FBN1: variants seen among roughly 807,000 people sequenced by gnomAD.
FBN1 encodes fibrillin-1.
A neutral mutation model predicts 365.1 loss-of-function variants in FBN1; 29 were observed. The ratio of observed to expected loss-of-function variants is 0.08; its 90% CI spans 0.06 to 0.11. The LOEUF (loss-of-function observed/expected upper bound fraction) is 0.11. Ranked by LOEUF, FBN1 falls within the 10% of genes least tolerant of loss-of-function variation. FBN1 has a pLI of 1.00. For synonymous variants in FBN1, 1,210 were observed against 1,270.5 expected (o/e 0.95, Z 1.01); for missense variants, 2,476 against 3,703.2 (o/e 0.67, Z 8.60).
chr15:48,492,134 A>G (rs980588505), intron 24 of FBN1, among the ~76,000 whole-genome samples: 11 of 152,326 alleles, frequency 7.2e-5, no homozygotes, highest in African/African-American at 2.4e-4. Flanking sequence ...CATGGGCTAC[A>G]GTTTCCAAAT....
intron 17 of FBN1, among the ~76,000 whole-genome samples, chr15:48,499,352 T>C (rs2043636093): frequency 6.6e-6 from 1 of 152,248 alleles, no homozygotes. Context: ...TACGGTGAAA[T>C]GTGCCTGTTA....
chr15:48,619,750 T>C (rs1004928273), intron 2 of FBN1, among the ~76,000 whole-genome samples: 4 of 152,050 alleles, frequency 2.6e-5, no homozygotes, highest in Non-Finnish European at 4.4e-5. Flanking sequence ...TCTTGTTTTT[T>C]TGTGACTATG....
rs2043996090 is a variant in FBN1, at chr15:48,534,194, A to G, written c.748T>C (p.Cys250Arg). 6.2e-7 allele frequency: 1 copy of G among 1,613,098 alleles called. No individual in the cohort carries two copies. Among genetic ancestry groups the G allele is most frequent in the African/African-American group, 1.3e-5 (1 of 74,848 alleles). Reference protein sequence around the residue: ...RTGACQDVDECQAIPGLCQGG... With the variant: ...RTGACQDVDERQAIPGLCQGG... ...TGACAGAGCCCGGGGATGGCCTGGCATTCATCCACATCTGTCAGATTACAG... is the reference window on the plus strand; with the variant it reads ...TGACAGAGCCCGGGGATGGCCTGGCGTTCATCCACATCTGTCAGATTACAG... The change falls in exon 8 of 66, where the codon TGC (cysteine) becomes CGC (arginine). Residue 250 changes from cysteine to arginine, a missense_variant. Physicochemically the swap from Cys to Arg is radical, Grantham distance 180. This residue lies in a region of FBN1 where 421 missense variants were observed against 520.1 expected (regional missense o/e 0.81). Coordinates refer to ENST00000316623, the MANE Select transcript of FBN1 (RefSeq NM_000138.5).
chr15:48,634,191 CA>C (rs1890046562), intron 2 of FBN1, among the ~76,000 whole-genome samples: 1 of 152,200 alleles, frequency 6.6e-6, no homozygotes, highest in East Asian at 1.9e-4. Flanking sequence ...AAATGATACA[CA>C]ATAAACCATT....
intron 17 of FBN1, among the ~76,000 whole-genome samples, chr15:48,503,155 G>A (rs559836210): frequency 1.5e-4 from 22 of 151,482 alleles, no homozygotes; most frequent in Non-Finnish European, 2.1e-4. Context: ...AAAATTAGCC[G>A]GGCGTGGTGG....
At chr15:48,534,285 C>G in intron 7 of FBN1, 80 bp from the exon 8 acceptor site, 1 of 1,423,608 alleles carries the variant, frequency 7.0e-7, no homozygotes, top group African/African-American at 1.4e-5. Flanking sequence ...ATAATTTGTC[C>G]ACAATTATGT....
chr15:48,509,991 G>A (rs1421833734), intron 14 of FBN1, 53 bp downstream of exon 14: 5 of 1,592,898 alleles, frequency 3.1e-6, no homozygotes, highest in Non-Finnish European at 4.3e-6. Context: ...AAAGACCCCT[G>A]ATATTGAAAC....
intron 6 of FBN1, among the ~76,000 whole-genome samples, chr15:48,541,812 G>C (rs1268261086): frequency 6.7e-6 from 1 of 149,886 alleles, no homozygotes; most frequent in Non-Finnish European, 1.5e-5. Flanking sequence ...ACTCATTCCT[G>C]GCTTCAGTGT....
chr15:48,498,314 C>G lies in FBN1; in HGVS notation c.2167+671G>C, dbSNP rs113782627. 5.9e-3 allele frequency among the ~76,000 whole-genome samples: 894 copies of G among 152,274 alleles called. 8 individuals are homozygous for G. The highest frequency in any genetic ancestry group is 0.021 in the African/African-American group (858 of 41,562). ...TTTTCATTCACGCACAATGATGAAA[C>G]TAATCATACTGAATGAACTGACAAT... On this transcript the variant is annotated intron_variant, in intron 18 of 65. Coordinates refer to ENST00000316623, the MANE Select transcript of FBN1 (RefSeq NM_000138.5).
At chr15:48,491,259 A>G (rs921619621) in intron 24 of FBN1, among the ~76,000 whole-genome samples, 1 of 152,184 alleles carries the variant, frequency 6.6e-6, no homozygotes, top group Admixed American at 6.5e-5. Flanking sequence ...TTTACACTAT[A>G]AACTATAAAG....
rs182745665 is a variant in FBN1 at position 48,415,088 on chromosome 15, A to T, written c.8051+448T>A. ...AATTTAAAACCCTAAATAATTTTCA[A>T]CCCAAAGGGATGTCTTTGACTTATT... On this transcript the variant is annotated intron_variant, in intron 64 of 65. Transcript: ENST00000316623. Among the ~76,000 whole-genome samples the T allele has an allele frequency of 2.2e-3, 328 of 152,310 alleles. No individual in the cohort carries two copies. Among genetic ancestry groups the T allele is most frequent in the South Asian group, 3.3e-3 (16 of 4,824 alleles).
chr15:48,477,083 A>G (rs1280434647), intron 32 of FBN1, among the ~76,000 whole-genome samples: 4 of 152,084 alleles, frequency 2.6e-5, no homozygotes, highest in Non-Finnish European at 5.9e-5. Context: ...TTAATCTAGT[A>G]ATTCTGTAAT....
chr15:48,609,758 C>T (rs902553251), intron 4 of FBN1, among the ~76,000 whole-genome samples: 4 of 152,294 alleles, frequency 2.6e-5, no homozygotes, highest in African/African-American at 4.8e-5. Flanking sequence ...AAGAGTCCCC[C>T]GTGTTCATCC....
At chr15:48,454,116 A>G (rs1169424070) in intron 44 of FBN1, among the ~76,000 whole-genome samples, 2 of 152,244 alleles carry the variant, frequency 1.3e-5, no homozygotes, top group South Asian at 2.1e-4. Context: ...CTCAAATCTT[A>G]AAGTCCACAT....
At chr15:48,458,665 T>C (rs769508679) in intron 43 of FBN1, among the ~76,000 whole-genome samples, 1 of 152,230 alleles carries the variant, frequency 6.6e-6, no homozygotes, top group Non-Finnish European at 1.5e-5. Context: ...AGGTATAAAA[T>C]AGCAAAAGGA....
At chr15:48,623,244 C>T (rs1353779026) in intron 2 of FBN1, among the ~76,000 whole-genome samples, 2 of 152,158 alleles carry the variant, frequency 1.3e-5, no homozygotes, top group Non-Finnish European at 2.9e-5. Context: ...TGGAATATGC[C>T]ACCGACATTA....
rs776211233 is a variant in FBN1, at chr15:48,422,040, G to T, written c.7482C>A (p.His2494Gln). ...TGTTAACACATAGGAACTGGCAGTTGTGTTGCTTGGTTGCACACTCATCAA... is the reference window on the plus strand; with the variant it reads ...TGTTAACACATAGGAACTGGCAGTTTTGTTGCTTGGTTGCACACTCATCAA... ...KDLDECATKQ[H>Q]NCQFLCVNTI... Residue 2494 changes from histidine (H) to glutamine (Q), a missense_variant, in exon 61 of 66, where the codon CAC (histidine) becomes CAA (glutamine). His to Gln is a conservative substitution (Grantham distance 24). Around this residue, in one of 5 missense-constraint regions of FBN1, gnomAD observed 1,780 missense variants for 2,840.8 expected, o/e 0.63. Coordinates refer to ENST00000316623, the MANE Select transcript of FBN1 (RefSeq NM_000138.5). The T allele has an allele frequency of 6.2e-6, 10 of 1,613,892 alleles. No individual in the cohort carries two copies. The South Asian group carries it at 1.1e-4, about 18-fold the overall frequency.
At chr15:48,537,114 G>A (rs1339753993) in intron 7 of FBN1, among the ~76,000 whole-genome samples, 1 of 152,150 alleles carries the variant, frequency 6.6e-6, no homozygotes, top group Non-Finnish European at 1.5e-5. Context: ...ATTTAAAACT[G>A]TGAAACAAAT....
intron 7 of FBN1, among the ~76,000 whole-genome samples, chr15:48,535,361 A>G (rs1425574125): frequency 2.6e-5 from 4 of 152,212 alleles, no homozygotes; most frequent in African/African-American, 9.6e-5. Context: ...CATTTTCTTC[A>G]CTGTTGTATA....
Sources: allele counts gnomAD v4.1 joint callset (sites outside exome capture counted in the v4.1 genomes callset), GRCh38; gene constraint gnomAD v4.1.1; regional missense constraint gnomAD v4.1.1; transcripts MANE v1.5; gene names NCBI Gene and HGNC (gene_info 2026-07-23, HGNC 2026-07-21).